Variants in PRDM11 observed in about 807,000 individuals in gnomAD.
The protein encoded by PRDM11 is PR/SET domain 11, also known as PR domain-containing protein 11.
In PRDM11, 20 loss-of-function variants were observed where a neutral mutation model predicts 97.8. The ratio of observed to expected loss-of-function variants is 0.20; its 90% CI spans 0.14 to 0.30. The LOEUF is 0.30. Ranked by LOEUF, PRDM11 falls within the 10% of genes least tolerant of loss-of-function variation. PRDM11 has a pLI of 1.00. For missense variants in PRDM11, 1,139 were observed against 1,555.2 expected, an observed-to-expected ratio of 0.73 and a Z score of 4.50; for synonymous variants, 599 against 637.7, an observed-to-expected ratio of 0.94 and a Z score of 0.91.
At chr11:45,209,547 G>A (rs527551251) in intron 5 of PRDM11, among the ~76,000 whole-genome samples, 1 of 152,146 alleles carries the variant, frequency 6.6e-6, no homozygotes, top group Non-Finnish European at 1.5e-5. Flanking sequence ...TAAACCCCAC[G>A]CAGGCCCTGC....
chr11:45,163,759 A>G (rs955704570), intron 1 of PRDM11, among the ~76,000 whole-genome samples: 4 of 152,174 alleles, frequency 2.6e-5, no homozygotes, highest in African/African-American at 9.7e-5. Flanking sequence ...TCCCTCCCAT[A>G]AGAAGGAGCT....
rs76778312 is a variant in PRDM11 at position 45,098,558 on chromosome 11, G to A, written c.96+2657G>A. On this transcript the variant is annotated intron_variant, in intron 1 of 6. Coordinates refer to the PRDM11 transcript ENST00000530656. ...CAGGCCAGGTGACTTGCCCAGGCTC[G>A]CACAGCTATGAGGAGGCAGAGCTGG... Among the ~76,000 whole-genome samples, 660 of 152,302 alleles carry A rather than the reference G, an allele frequency of 4.3e-3. 9 individuals carry two copies. Among genetic ancestry groups the A allele is most frequent in the African/African-American group, 0.015 (629 of 41,562 alleles).
rs369881187 is a variant in PRDM11 at position 45,166,155 on chromosome 11, T to C, written c.-6-15606T>C. Among the ~76,000 whole-genome samples, 10 of 152,310 alleles carry C rather than the reference T, an allele frequency of 6.6e-5. No homozygotes were observed. The East Asian group carries it at 1.9e-3, about 29-fold the overall frequency. On this transcript the variant is annotated intron_variant, in intron 1 of 7. Coordinates refer to ENST00000683152, the MANE Select transcript of PRDM11 (RefSeq NM_001384648.1). ...CTCAGCAGAAGCTCTAGGAGGATCTTGAGAGCTTCAGGTACAGTTGGATCC... is the reference window on the plus strand; with the variant it reads ...CTCAGCAGAAGCTCTAGGAGGATCTCGAGAGCTTCAGGTACAGTTGGATCC...
At chr11:45,186,941 G>A (rs1328153551) in intron 4 of PRDM11, among the ~76,000 whole-genome samples, 1 of 152,168 alleles carries the variant, frequency 6.6e-6, no homozygotes, top group African/African-American at 2.4e-5. Context: ...ATGGGGTGGA[G>A]CAGTTAATAG....
chr11:45,186,585 G>C (rs1852712526), intron 4 of PRDM11, among the ~76,000 whole-genome samples: 2 of 147,000 alleles, frequency 1.4e-5, no homozygotes, highest in Non-Finnish European at 3.0e-5. Flanking sequence ...GAGACAGTAG[G>C]AAGTCTCCTT....
At chr11:45,171,774 G>A (rs751729928) in intron 1 of PRDM11, among the ~76,000 whole-genome samples, 14 of 152,200 alleles carry the variant, frequency 9.2e-5, no homozygotes, top group Non-Finnish European at 1.9e-4. Context: ...AGTGTAAGAG[G>A]AAGTGCAGAG....
At chr11:45,113,831 T>G (rs1262225738) in intron 1 of PRDM11, among the ~76,000 whole-genome samples, 7 of 137,122 alleles carry the variant, frequency 5.1e-5, no homozygotes, top group African/African-American at 1.6e-4. Context: ...TGTGTTTTGT[T>G]TTTTTTTTTT....
chr11:45,103,046 A>T (rs1852005756), intron 1 of PRDM11, among the ~76,000 whole-genome samples: 1 of 152,184 alleles, frequency 6.6e-6, no homozygotes, highest in Admixed American at 6.5e-5. Context: ...AGAGAACCCA[A>T]GTCTCTCTAC....
chr11:45,187,798 TCGTG>T (rs1275687683), intron 4 of PRDM11, among the ~76,000 whole-genome samples: 3 of 100,330 alleles, frequency 3.0e-5, no homozygotes, highest in Non-Finnish European at 6.5e-5. Flanking sequence ...CAAGAAAAGT[TCGTG>T]TGTGTGTGTG....
chr11:45,097,835 C>T (rs1037892503), intron 1 of PRDM11, among the ~76,000 whole-genome samples: 1 of 152,216 alleles, frequency 6.6e-6, no homozygotes, highest in Admixed American at 6.5e-5. Context: ...TTTGGAGGTG[C>T]CTGCAGTGGC....
In PRDM11 at chr11:45,228,275, A is replaced by G. The variant is rs1854328128; in HGVS notation, c.*116A>G. Reference sequence around the variant, plus strand: ...TTATATTATATTATATTATATATATATATATATATAAACTCACACTGAAAA... The same window carrying G: ...TTATATTATATTATATTATATATATGTATATATATAAACTCACACTGAAAA... On this transcript the variant is annotated 3_prime_UTR_variant, in exon 8 of 8. Transcript: ENST00000683152. The G allele has an allele frequency of 1.5e-5, 5 of 322,592 alleles. No individual in the cohort carries two copies. The highest frequency in any genetic ancestry group is 1.9e-5 in the Non-Finnish European group (4 of 215,202). The allele number at this position is 322,592 out of a possible 1,614,324, so 20.0% of individuals were successfully genotyped here.
At chr11:45,121,718 C>A (rs1410375508) in intron 1 of PRDM11, among the ~76,000 whole-genome samples, 1 of 152,038 alleles carries the variant, frequency 6.6e-6, no homozygotes, top group Admixed American at 6.6e-5. Context: ...ACACAAATTT[C>A]AAAGAACTGA....
intron 1 of PRDM11, among the ~76,000 whole-genome samples, chr11:45,170,556 T>A (rs1852178234): frequency 1.3e-5 from 2 of 151,876 alleles, no homozygotes; most frequent in Admixed American, 1.3e-4. Context: ...GCAGCCCCTG[T>A]GGCTGTGATG....
rs1423079405 is a variant in PRDM11 at position 45,213,267 on chromosome 11, C to T, written c.555-6303C>T. ...CGGATGCTGAAGATGCAAGAAAAGC[C>T]ACCTGCTTGATGCTTGCTTGGCCTG... On this transcript the variant is annotated intron_variant, in intron 5 of 7. Transcript: ENST00000683152. 8.8e-6 allele frequency: 4 copies of T among 456,522 alleles called. No individual in the cohort carries two copies. In the East Asian group the frequency reaches 2.8e-4, roughly 32 times the overall value. 28.3% of individuals were successfully genotyped at this position (456,522 alleles called of 1,614,324 possible).
chr11:45,131,285 G>A (rs940594110), intron 1 of PRDM11, among the ~76,000 whole-genome samples: 6 of 152,156 alleles, frequency 3.9e-5, no homozygotes, highest in Admixed American at 2.6e-4. Flanking sequence ...GACTCGAAAT[G>A]CTCTGTTTCT....
intron 1 of PRDM11, among the ~76,000 whole-genome samples, chr11:45,167,317 TACAC>T (rs1311896454): frequency 3.3e-5 from 5 of 151,956 alleles, no homozygotes; most frequent in Admixed American, 1.3e-4. Context: ...AACACACACA[TACAC>T]ACTATCACAA....
At chr11:45,203,983 C>G (rs749120046) in intron 4 of PRDM11, among the ~76,000 whole-genome samples, 1 of 152,166 alleles carries the variant, frequency 6.6e-6, no homozygotes, top group Non-Finnish European at 1.5e-5. Flanking sequence ...AACCACATAG[C>G]AAAACTGCAG....
At chr11:45,099,251 G>A (rs1341514570) in intron 1 of PRDM11, among the ~76,000 whole-genome samples, 2 of 151,898 alleles carry the variant, frequency 1.3e-5, no homozygotes, top group South Asian at 2.1e-4. Context: ...TCAGGAATTC[G>A]AGAGCAGCCT....
chr11:45,120,794 A>T (rs1852412243), intron 1 of PRDM11, among the ~76,000 whole-genome samples: 1 of 152,148 alleles, frequency 6.6e-6, no homozygotes, highest in South Asian at 2.1e-4. Context: ...ATAAAACAAT[A>T]TTGATTACTT....
Sources: gnomAD v4.1 joint callset for allele counts (sites outside exome capture counted in the v4.1 genomes callset) on GRCh38, gnomAD v4.1.1 for gene constraint, MANE v1.5 for transcripts, NCBI Gene and HGNC (gene_info 2026-07-23, HGNC 2026-07-21) for gene names.